The following EPHB1 variants were observed in gnomAD, a reference collection of about 807,000 sequenced individuals.
EPHB1 encodes EPH receptor B1, also known as ephrin type-B receptor 1.
A neutral mutation model predicts 94.4 loss-of-function variants in EPHB1; 30 were observed. That is an observed-to-expected ratio of 0.32 (90% CI 0.24 to 0.43). The LOEUF (loss-of-function observed/expected upper bound fraction) is 0.43, where lower values mean the gene tolerates loss of function less well. Ranked by LOEUF, EPHB1 falls within the 20% of genes least tolerant of loss-of-function variation. The probability of loss-of-function intolerance (pLI) is 1.00; values close to 1 mark genes in which losing one functional copy is unlikely to be tolerated. For missense variants in EPHB1, 1,055 were observed against 1,308.3 expected (o/e 0.81, Z 2.99); for synonymous variants, 522 against 489.1 (o/e 1.07, Z -0.89).
chr3:134,815,206 G>A (rs1560245605), intron 1 of EPHB1, among the ~76,000 whole-genome samples: 3 of 152,134 alleles, frequency 2.0e-5, no homozygotes, highest in African/African-American at 7.2e-5. Context: ...TTAGATGAAA[G>A]TATTATAACA....
At chr3:135,090,727 G>A (rs1054312673) in intron 3 of EPHB1, among the ~76,000 whole-genome samples, 2 of 152,228 alleles carry the variant, frequency 1.3e-5, no homozygotes, top group African/African-American at 4.8e-5. Flanking sequence ...CAAGGACAGG[G>A]CAGTGTAGGG....
intron 3 of EPHB1, among the ~76,000 whole-genome samples, chr3:135,103,696 C>A (rs1385923048): frequency 6.6e-6 from 1 of 152,208 alleles, no homozygotes; most frequent in African/African-American, 2.4e-5. Flanking sequence ...AAGAATTGAA[C>A]TCAGGACTGT....
intron 4 of EPHB1, among the ~76,000 whole-genome samples, chr3:135,113,569 A>G (rs890413821): frequency 8.5e-5 from 13 of 152,182 alleles, no homozygotes; most frequent in Non-Finnish European, 1.6e-4. Context: ...AGCATTTGTC[A>G]TGACAGCTCG....
At chr3:135,131,101 G>A (rs546475956) in intron 4 of EPHB1, among the ~76,000 whole-genome samples, 1 of 152,308 alleles carries the variant, frequency 6.6e-6, no homozygotes, top group East Asian at 1.9e-4. Flanking sequence ...AGAGATGGAT[G>A]TTTATTCCTG....
chr3:134,931,153 G>T (rs2038896353), intron 2 of EPHB1, among the ~76,000 whole-genome samples: 1 of 152,190 alleles, frequency 6.6e-6, no homozygotes, highest in Admixed American at 6.5e-5. Flanking sequence ...CACCCAATTG[G>T]TTGTCAATAT....
chr3:134,919,978 T>A (rs1442629376), intron 1 of EPHB1, among the ~76,000 whole-genome samples: 1 of 152,056 alleles, frequency 6.6e-6, no homozygotes, highest in Non-Finnish European at 1.5e-5. Flanking sequence ...TCCAGCTGCC[T>A]ACCAGGCTCC....
rs534775604 is a variant in EPHB1 at position 135,005,855 on chromosome 3, G to C, written c.805+53803G>C. ...ACGCACCCACTGACCTGCGCCCACT[G>C]TCTGGCACTCCCTAGTGAGATGAAC... On this transcript the variant is annotated intron_variant, in intron 3 of 15. Transcript: ENST00000398015. Among the ~76,000 whole-genome samples, 861 of 152,332 alleles carry C rather than the reference G, an allele frequency of 5.7e-3. 9 individuals carry two copies. The highest frequency in any genetic ancestry group is 0.02 in the African/African-American group (827 of 41,562).
At chr3:134,946,424 C>T (rs1287060074) in intron 2 of EPHB1, among the ~76,000 whole-genome samples, 1 of 152,202 alleles carries the variant, frequency 6.6e-6, no homozygotes, top group East Asian at 1.9e-4. Context: ...GGCACCAGGC[C>T]ACTTTTCCTA....
intron 1 of EPHB1, among the ~76,000 whole-genome samples, chr3:134,906,417 A>G (rs1164185336): frequency 1.1e-4 from 17 of 152,336 alleles, no homozygotes; most frequent in Non-Finnish European, 1.5e-5. Context: ...GTGGACGTTT[A>G]TAGGTATGCT....
intron 3 of EPHB1, among the ~76,000 whole-genome samples, chr3:135,053,056 A>T (rs572373056): frequency 6.6e-4 from 46 of 69,926 alleles, no homozygotes; most frequent in East Asian, 2.2e-3. Context: ...TATATATATA[A>T]AGTTGGTGTG....
chr3:135,201,172 A>C (rs904582566), intron 11 of EPHB1, among the ~76,000 whole-genome samples: 1 of 152,008 alleles, frequency 6.6e-6, no homozygotes, highest in African/African-American at 2.4e-5. Flanking sequence ...GGGGGCGGGC[A>C]AGGAGGCTGT....
chr3:135,147,880 C>G (rs761611617), intron 5 of EPHB1, among the ~76,000 whole-genome samples: 7 of 152,214 alleles, frequency 4.6e-5, no homozygotes, highest in Non-Finnish European at 7.3e-5. Context: ...TTTCCACCCA[C>G]ACACACAACA....
At chr3:134,820,067 C>A (rs564230535) in intron 1 of EPHB1, among the ~76,000 whole-genome samples, 78 of 152,298 alleles carry the variant, frequency 5.1e-4, no homozygotes, top group Admixed American at 4.7e-3. Flanking sequence ...CTCACCCACC[C>A]CTCCTGTCAT....
chr3:135,018,190 G>A (rs1196645140), intron 3 of EPHB1, among the ~76,000 whole-genome samples: 2 of 152,110 alleles, frequency 1.3e-5, no homozygotes, highest in Admixed American at 6.5e-5. Flanking sequence ...AGCAGGCCCC[G>A]TGATCATCCC....
chr3:135,214,732 C>T (rs1943108559), intron 12 of EPHB1, among the ~76,000 whole-genome samples: 1 of 152,220 alleles, frequency 6.6e-6, no homozygotes, highest in African/African-American at 2.4e-5. Flanking sequence ...GCCACAATCG[C>T]TTCCATGCTG....
At chr3:134,882,685 C>T (rs931013328) in intron 1 of EPHB1, among the ~76,000 whole-genome samples, 1 of 149,920 alleles carries the variant, frequency 6.7e-6, no homozygotes, top group Non-Finnish European at 1.5e-5. Flanking sequence ...TCCTTCTTTC[C>T]TTCTTCTTTC....
chr3:135,054,461 G>A (rs1049619980), intron 3 of EPHB1, among the ~76,000 whole-genome samples: 3 of 152,122 alleles, frequency 2.0e-5, no homozygotes, highest in Admixed American at 1.3e-4. Context: ...TTAGAAAGGG[G>A]CGCTGTATGC....
chr3:135,191,282 G>C (rs961733470), intron 10 of EPHB1, among the ~76,000 whole-genome samples: 1 of 152,128 alleles, frequency 6.6e-6, no homozygotes, highest in East Asian at 1.9e-4. Flanking sequence ...CCAGCCCCAG[G>C]TTCTATCAAG....
chr3:135,252,364 C>G (rs1440204411), intron 15 of EPHB1, among the ~76,000 whole-genome samples: 1 of 107,362 alleles, frequency 9.3e-6, no homozygotes, highest in South Asian at 4.3e-4. Flanking sequence ...ATCCCTCCCC[C>G]CTCCCCCCAC....
Sources: allele counts gnomAD v4.1 joint callset (sites outside exome capture counted in the v4.1 genomes callset), GRCh38; gene constraint gnomAD v4.1.1; transcripts MANE v1.5; gene names NCBI Gene and HGNC (gene_info 2026-07-23, HGNC 2026-07-21).